The following DNAH10 variants were observed in gnomAD, a reference collection of about 807,000 sequenced individuals.
DNAH10 encodes the protein dynein axonemal heavy chain 10.
A neutral mutation model predicts 506.6 loss-of-function variants in DNAH10; 348 were observed. The observed-to-expected ratio is 0.69, with a 90% CI of 0.63 to 0.75. DNAH10 has a LOEUF of 0.75. Among genes scored for constraint, DNAH10 ranks in the 30% least tolerant of loss-of-function variants. DNAH10 has a pLI of 0.00. For missense variants in DNAH10, 5,179 were observed against 5,787.1 expected (o/e 0.89, Z 3.41); for synonymous variants, 2,059 against 2,198.6 (o/e 0.94, Z 1.78).
intron 38 of DNAH10, among the ~76,000 whole-genome samples, chr12:123,859,491 A>G (rs1231290670): frequency 1.3e-5 from 2 of 152,230 alleles, no homozygotes; most frequent in Non-Finnish European, 2.9e-5. Flanking sequence ...CAGATGGTGA[A>G]TAGGTTCATT....
intron 18 of DNAH10, among the ~76,000 whole-genome samples, chr12:123,808,340 A>C (rs936177437): frequency 5.3e-5 from 8 of 152,000 alleles, no homozygotes; most frequent in African/African-American, 1.9e-4. Flanking sequence ...TAGATGTTTT[A>C]AAATAGTGTC....
At chr12:123,780,087 G>T (rs1593997874) in intron 5 of DNAH10, among the ~76,000 whole-genome samples, 1 of 82,072 alleles carries the variant, frequency 1.2e-5, no homozygotes, top group East Asian at 9.9e-4. Context: ...ATGGTCCTGA[G>T]CTGATGGTTT....
intron 50 of DNAH10, among the ~76,000 whole-genome samples, 164 bp from the exon 51 acceptor site, chr12:123,881,461 G>A (rs960149120): frequency 5.9e-5 from 9 of 152,206 alleles, no homozygotes; most frequent in Non-Finnish European, 1.2e-4. Flanking sequence ...TTTGAGAAGT[G>A]TCTGTTCGTA....
At chr12:123,874,680 A>C (rs1455751610) in intron 46 of DNAH10, among the ~76,000 whole-genome samples, 2 of 152,054 alleles carry the variant, frequency 1.3e-5, no homozygotes, top group Non-Finnish European at 2.9e-5. Flanking sequence ...CAATGTATGA[A>C]TTAATTACCC....
rs374812375 is a variant in DNAH10, at chr12:123,887,161, G to A, written c.8843G>A (p.Ser2948Asn). ...ASCEVFEILL[S>N]RGYSENSFRE... Reference sequence around the variant, plus strand: ...TCGCAGGTGTTTGAGATCCTGCTGAGCCGAGGCTACTCGGAGAACAGTTTC... The same window carrying A: ...TCGCAGGTGTTTGAGATCCTGCTGAACCGAGGCTACTCGGAGAACAGTTTC... The change falls in exon 52 of 79, where the codon AGC (serine) becomes AAC (asparagine). Residue 2948 changes from serine (S) to asparagine (N), a missense_variant. Ser to Asn is a conservative substitution (Grantham distance 46). This residue lies in a region of DNAH10 where 4,844 missense variants were observed against 5,430.5 expected (regional missense o/e 0.89). Transcript: ENST00000673944. The A allele has an allele frequency of 3.1e-6, 5 of 1,609,900 alleles. No individual in the cohort carries two copies. In the African/African-American group the frequency reaches 6.7e-5, roughly 22 times the overall value.
chr12:123,900,820 C>T (rs1415488067), intron 56 of DNAH10, among the ~76,000 whole-genome samples: 1 of 152,112 alleles, frequency 6.6e-6, no homozygotes, highest in Non-Finnish European at 1.5e-5. Flanking sequence ...CCGGCTCTGT[C>T]CATGCTGAGA....
chr12:123,842,213 C>T (rs955581215), intron 30 of DNAH10, among the ~76,000 whole-genome samples: 19 of 152,192 alleles, frequency 1.2e-4, no homozygotes, highest in Non-Finnish European at 2.5e-4. Context: ...GCACCCTTAG[C>T]GTGTGAACCC....
intron 53 of DNAH10, 87 bp downstream of exon 53, chr12:123,893,523 C>A: frequency 6.7e-7 from 1 of 1,493,562 alleles, no homozygotes. Flanking sequence ...CCAGGTTCCC[C>A]CAGCAAAGCA....
At position 123,868,002 on chromosome 12, in the gene DNAH10, C is replaced by G. The variant is rs1951879782; in HGVS notation, c.7402C>G (p.Leu2468Val). The G allele has an allele frequency of 6.2e-7, 1 of 1,613,944 alleles. No homozygotes were observed. Among genetic ancestry groups the G allele is most frequent in the Non-Finnish European group, 8.5e-7 (1 of 1,179,880 alleles). ...CYFLEALYCS[L>V]GASLLEDGRM... ...CTTCCTGGAGGCTTTGTACTGCTCT[C>G]TGGGAGCCTCCCTGCTTGAGGATGG... Residue 2468 changes from leucine (L) to valine (V), a missense_variant, in exon 43 of 79, where the codon CTG (leucine) becomes GTG (valine). Coordinates refer to ENST00000673944, the MANE Select transcript of DNAH10 (RefSeq NM_001372106.1).
intron 66 of DNAH10, 30 bp from the exon 67 acceptor site, chr12:123,924,248 G>A (rs1455755075): frequency 1.9e-6 from 3 of 1,583,732 alleles, no homozygotes; most frequent in Non-Finnish European, 2.6e-6. Flanking sequence ...GTGGTACAAT[G>A]GCTGCTTGCT....
At chr12:123,890,765 T>G (rs1952947279) in intron 52 of DNAH10, among the ~76,000 whole-genome samples, 1 of 152,030 alleles carries the variant, frequency 6.6e-6, no homozygotes, top group South Asian at 2.1e-4. Context: ...CACGAGGTAT[T>G]CAGGAGGCAG....
intron 41 of DNAH10, 87 bp from the exon 42 acceptor site, chr12:123,867,380 A>G: frequency 1.4e-6 from 2 of 1,441,708 alleles, no homozygotes; most frequent in East Asian, 2.3e-5. Context: ...ATGTTGCTCA[A>G]CCCTCTTTGG....
Position 123,928,685 on chromosome 12 carries a change from A to G in DNAH10, c.12306+98A>G, listed in dbSNP as rs1955054982. The G allele has an allele frequency of 2.1e-5, 29 of 1,364,478 alleles. No individual in the cohort carries two copies. Among genetic ancestry groups the G allele is most frequent in the Non-Finnish European group, 2.8e-5 (28 of 1,014,098 alleles). The allele number at this position is 1,364,478 out of a possible 1,614,324, so 84.5% of individuals were successfully genotyped here. A position where few individuals can be genotyped will look rare whatever the true frequency, so the allele number is the denominator to read the frequency against. On this transcript the variant is annotated intron_variant, in intron 70 of 78. Coordinates refer to ENST00000673944, the MANE Select transcript of DNAH10 (RefSeq NM_001372106.1). This position sits in a 1 kb window ranked among gnomAD's most constrained non-coding sequence, Gnocchi z 4.9. ...GGGGTGTGCCTTTGTCTGTGTAGAAATAAACCTTAGGCTGCAGGTGAAACC... is the reference window on the plus strand; with the variant it reads ...GGGGTGTGCCTTTGTCTGTGTAGAAGTAAACCTTAGGCTGCAGGTGAAACC...
rs1953862327 is a variant in DNAH10 at position 123,907,942 on chromosome 12, G to A, written c.9816-1319G>A. Among the ~76,000 whole-genome samples the A allele has an allele frequency of 6.6e-6, 1 of 152,140 alleles. No individual in the cohort carries two copies. Among genetic ancestry groups the A allele is most frequent in the Non-Finnish European group, 1.5e-5 (1 of 68,022 alleles). Reference sequence around the variant, plus strand: ...TCCCTCCTGGCTGTTGCCCTGGCTTGTCCGTACACTATGGGGCCTTCTCTC... The same window carrying A: ...TCCCTCCTGGCTGTTGCCCTGGCTTATCCGTACACTATGGGGCCTTCTCTC... On this transcript the variant is annotated intron_variant, in intron 57 of 78. Coordinates refer to ENST00000673944, the MANE Select transcript of DNAH10 (RefSeq NM_001372106.1). This position sits in a 1 kb window ranked among gnomAD's most constrained non-coding sequence, Gnocchi z 4.4.
chr12:123,767,646 A>G lies in DNAH10; in HGVS notation c.255A>G (p.Glu85=). 1 of 1,613,084 alleles carries G rather than the reference A, an allele frequency of 6.2e-7. No homozygotes were observed. Among genetic ancestry groups the G allele is most frequent in the Non-Finnish European group, 8.5e-7 (1 of 1,179,498 alleles). ...TGTCTGAAGAGGGAGAAGAGGAAGA[A>G]GAGACTTATTCTCAAAAAGTGGAGT... ...PVLSEEGEEE[E]ETYSQKVESV... is the part of the protein sequence containing the mutation. The change falls in exon 2 of 79, where the codon GAA becomes GAG. Residue 85 remains glutamate (E), a synonymous_variant. Coordinates refer to ENST00000673944, the MANE Select transcript of DNAH10 (RefSeq NM_001372106.1).
intron 46 of DNAH10, among the ~76,000 whole-genome samples, chr12:123,874,752 G>A (rs1273045268): frequency 1.3e-5 from 2 of 152,192 alleles, no homozygotes; most frequent in Non-Finnish European, 2.9e-5. Context: ...TTGATGCTTT[G>A]TAAGCCCCTG....
chr12:123,788,074 G>A (rs1212735439), intron 10 of DNAH10, 72 bp downstream of exon 10: 2 of 1,513,930 alleles, frequency 1.3e-6, no homozygotes, highest in Non-Finnish European at 1.8e-6. Context: ...GGCCCCCTCC[G>A]TGTCAGGTAG....
chr12:123,875,057 A>C (rs1018754885), intron 46 of DNAH10, among the ~76,000 whole-genome samples, 174 bp from the exon 47 acceptor site: 1 of 152,210 alleles, frequency 6.6e-6, no homozygotes, highest in Non-Finnish European at 1.5e-5. Flanking sequence ...CAAAAAACAC[A>C]ATCACAAATG....
intron 28 of DNAH10, among the ~76,000 whole-genome samples, chr12:123,837,072 C>T (rs1467178914): frequency 6.6e-6 from 1 of 150,380 alleles, no homozygotes; most frequent in Non-Finnish European, 1.5e-5. Context: ...AGGATGGTCT[C>T]AATCTCCTGA....
Sources: allele counts gnomAD v4.1 joint callset (sites outside exome capture counted in the v4.1 genomes callset), GRCh38; gene constraint gnomAD v4.1.1; regional missense constraint gnomAD v4.1.1; non-coding constraint Gnocchi (gnomAD v3.1); transcripts MANE v1.5; gene names NCBI Gene and HGNC (gene_info 2026-07-23, HGNC 2026-07-21).